WDPCP: variants seen among roughly 807,000 people sequenced by gnomAD.
WDPCP encodes WD repeat-containing and planar cell polarity effector protein fritz homolog.
A neutral mutation model predicts 93.1 loss-of-function variants in WDPCP; 71 were observed. That is an observed-to-expected ratio of 0.76 (90% confidence interval 0.63 to 0.93). The LOEUF (loss-of-function observed/expected upper bound fraction) is 0.93. WDPCP is among the 40% of genes least tolerant of loss of function. The pLI, the probability that WDPCP is intolerant of heterozygous loss-of-function variation, is 0.00. For missense variants in WDPCP, 844 were observed against 887.4 expected, an observed-to-expected ratio of 0.95 and a Z score of 0.62; for synonymous variants, 315 against 315.0, an observed-to-expected ratio of 1.00 and a Z score of 0.00.
rs1709025073 is a variant in WDPCP, at chr2:63,588,334, C to G, written c.-63G>C. On this transcript the variant is annotated 5_prime_UTR_variant, in exon 1 of 18. Transcript: ENST00000272321. ...GGTCCTCGGACCCGAGAGGGAGCGA[C>G]ACGCTCGCTTGGTCTCTTGGGTCTC... The G allele has an allele frequency of 1.3e-6, 2 of 1,535,734 alleles. No homozygotes were observed. The highest frequency in any genetic ancestry group is 1.8e-6 in the Non-Finnish European group (2 of 1,132,312).
chr2:63,277,390 G>A (rs1228750879), intron 13 of WDPCP, among the ~76,000 whole-genome samples: 1 of 152,136 alleles, frequency 6.6e-6, no homozygotes, highest in Non-Finnish European at 1.5e-5. Flanking sequence ...GAATAGAATA[G>A]TACCTCACAT....
At chr2:63,599,080 T>C in intron 3 of WDPCP, 1 of 1,354,788 alleles carries the variant, frequency 7.4e-7, no homozygotes, top group Non-Finnish European at 1.0e-6. Context: ...GTACAAAGGC[T>C]ACCTGTTAGA....
At chr2:63,643,128 T>G (rs1263905017) in intron 3 of WDPCP, 2 of 168,552 alleles carry the variant, frequency 1.2e-5, no homozygotes, top group Non-Finnish European at 2.5e-5. Context: ...TGTATCATAT[T>G]CATAGACTTG....
At position 63,660,273 on chromosome 2, in the gene WDPCP, T is replaced by A. The variant is rs547255290; in HGVS notation, n.309-9435A>T. ...TCAAAGTCCCTGGGATGCCCCTACCTCCACACTGGTAAATCTAAGCTCCAC... is the reference window on the plus strand; with the variant it reads ...TCAAAGTCCCTGGGATGCCCCTACCACCACACTGGTAAATCTAAGCTCCAC... On this transcript the variant is annotated intron_variant and non_coding_transcript_variant, in intron 2 of 4. Transcript: ENST00000467687. 1.9e-3 allele frequency among the ~76,000 whole-genome samples: 296 copies of A among 152,286 alleles called. 1 individual carries two copies. Among genetic ancestry groups the A allele is most frequent in the Non-Finnish European group, 3.1e-3 (211 of 68,014 alleles).
At chr2:63,461,697 T>C (rs1699021763) in intron 6 of WDPCP, among the ~76,000 whole-genome samples, 1 of 152,200 alleles carries the variant, frequency 6.6e-6, no homozygotes. Flanking sequence ...AAAATTCAAA[T>C]TATTGATTCA....
chr2:63,707,111 T>C (rs913461394), intron 2 of WDPCP, among the ~76,000 whole-genome samples: 26 of 152,140 alleles, frequency 1.7e-4, no homozygotes, highest in Non-Finnish European at 3.4e-4. Context: ...TGTCTTGGAG[T>C]TGCTCTTCTT....
intron 12 of WDPCP, chr2:63,369,425 T>C: frequency 6.6e-6 from 3 of 456,560 alleles, no homozygotes; most frequent in East Asian, 7.0e-5. Context: ...TTCACTCTCT[T>C]ATAAAAGTGG....
intron 14 of WDPCP, among the ~76,000 whole-genome samples, chr2:63,200,382 C>G (rs1022922296): frequency 8.5e-5 from 13 of 152,304 alleles, no homozygotes; most frequent in African/African-American, 3.1e-4. Context: ...AAAGAGATAT[C>G]TGCACTCCCA....
intron 3 of WDPCP, chr2:63,642,969 C>T (rs1446319240): frequency 6.6e-6 from 1 of 152,302 alleles, no homozygotes; most frequent in Non-Finnish European, 1.5e-5. Flanking sequence ...TTATATATGG[C>T]TTCTATTATG....
chr2:63,644,243 C>T (rs1478520069), intron 3 of WDPCP, among the ~76,000 whole-genome samples: 2 of 118,488 alleles, frequency 1.7e-5, no homozygotes, highest in South Asian at 2.7e-4. Flanking sequence ...TTCTCCTCTA[C>T]TTTTTTTTTT....
At chr2:63,513,968 A>G (rs1702399827) in intron 1 of WDPCP, among the ~76,000 whole-genome samples, 1 of 151,770 alleles carries the variant, frequency 6.6e-6, no homozygotes, top group Admixed American at 6.6e-5. Context: ...AGTGTTGGCT[A>G]TAACTCTTAT....
chr2:63,578,155 T>C (rs2106531536), intron 1 of WDPCP, among the ~76,000 whole-genome samples: 1 of 152,348 alleles, frequency 6.6e-6, no homozygotes, highest in Admixed American at 6.5e-5. Context: ...CAGACTCAAT[T>C]AACAGTCATG....
At chr2:63,353,549 G>C (rs1159519592) in intron 12 of WDPCP, among the ~76,000 whole-genome samples, 1 of 152,158 alleles carries the variant, frequency 6.6e-6, no homozygotes, top group Non-Finnish European at 1.5e-5. Context: ...TCAGGCTTTG[G>C]AGAGTCCAAG....
chr2:63,790,612 G>C (rs915919470), intron 2 of WDPCP, among the ~76,000 whole-genome samples: 6 of 152,190 alleles, frequency 3.9e-5, no homozygotes, highest in African/African-American at 1.4e-4. Context: ...AGTAGGATAA[G>C]TTCAGCTCAT....
At chr2:63,166,644 C>T (rs1264385130) in intron 15 of WDPCP, among the ~76,000 whole-genome samples, 1 of 151,954 alleles carries the variant, frequency 6.6e-6, no homozygotes, top group Non-Finnish European at 1.5e-5. Flanking sequence ...CTGCCTGCCT[C>T]AGCCTCCCTA....
At chr2:63,329,193 G>A (rs934394201) in intron 12 of WDPCP, among the ~76,000 whole-genome samples, 1 of 152,078 alleles carries the variant, frequency 6.6e-6, no homozygotes, top group Non-Finnish European at 1.5e-5. Flanking sequence ...AACACATGTT[G>A]TTCCCCCTCC....
upstream of WDPCP, chr2:63,593,454 C>A: frequency 2.4e-6 from 1 of 414,852 alleles, no homozygotes; most frequent in Non-Finnish European, 5.0e-6. Context: ...TACCAAATTG[C>A]TGAGTGCTGC....
intron 12 of WDPCP, among the ~76,000 whole-genome samples, chr2:63,342,695 G>A (rs1343960687): frequency 4.6e-5 from 7 of 152,004 alleles, no homozygotes; most frequent in African/African-American, 1.7e-4. Context: ...TATATATATT[G>A]TATCCCCATT....
intron 1 of WDPCP, among the ~76,000 whole-genome samples, chr2:63,533,349 C>T (rs1052932153): frequency 1.4e-4 from 21 of 152,124 alleles, no homozygotes; most frequent in African/African-American, 4.6e-4. Flanking sequence ...CAGTTCTGCA[C>T]CAAGCGAACC....
Sources: allele counts gnomAD v4.1 joint callset (sites outside exome capture counted in the v4.1 genomes callset), GRCh38; gene constraint gnomAD v4.1.1; transcripts MANE v1.5; gene names NCBI Gene and HGNC (gene_info 2026-07-23, HGNC 2026-07-21).